The following DCAF6 variants were observed in gnomAD, a reference collection of about 807,000 sequenced individuals.
The protein encoded by DCAF6 is DDB1 and CUL4 associated factor 6.
A neutral mutation model predicts 125.1 loss-of-function variants in DCAF6; 54 were observed. That is an observed-to-expected ratio of 0.43 (90% CI 0.35 to 0.54). The LOEUF is 0.54. Among genes scored for constraint, DCAF6 ranks in the 20% least tolerant of loss-of-function variants. The pLI is 0.01. For missense variants in DCAF6, 934 were observed against 1,161.7 expected, an observed-to-expected ratio of 0.80 and a Z score of 2.85; for synonymous variants, 371 against 390.4, an observed-to-expected ratio of 0.95 and a Z score of 0.58.
At chr1:167,926,184 T>C in the DCAF6 span, among the ~76,000 whole-genome samples, 1 of 152,350 alleles carries the variant, frequency 6.6e-6, no homozygotes, top group African/African-American at 2.4e-5. Flanking sequence ...ACGTTCGAAT[T>C]TTCCGTATTT....
chr1:168,033,875 A>G (rs1687463163), intron 12 of DCAF6, among the ~76,000 whole-genome samples: 1 of 152,252 alleles, frequency 6.6e-6, no homozygotes, highest in African/African-American at 2.4e-5. Context: ...AGTGTTGAAC[A>G]AGTTAAAAGG....
At chr1:167,953,965 G>A (rs1040407067) in intron 2 of DCAF6, among the ~76,000 whole-genome samples, 1 of 152,034 alleles carries the variant, frequency 6.6e-6, no homozygotes, top group African/African-American at 2.4e-5. Flanking sequence ...TGATCTGAGT[G>A]GATACAGGAT....
the DCAF6 span, among the ~76,000 whole-genome samples, chr1:167,921,757 G>A: frequency 6.6e-6 from 1 of 151,970 alleles, no homozygotes; most frequent in East Asian, 1.9e-4. Flanking sequence ...AATTATATAG[G>A]ATGCACTGTA....
intron 10 of DCAF6, among the ~76,000 whole-genome samples, chr1:168,009,598 T>C (rs915197168): frequency 3.3e-5 from 5 of 151,490 alleles, no homozygotes; most frequent in Non-Finnish European, 7.4e-5. Context: ...TCTTTTCTTT[T>C]CTTTCCCTCT....
chr1:167,985,468 C>T (rs1679867956), intron 4 of DCAF6, among the ~76,000 whole-genome samples: 1 of 152,110 alleles, frequency 6.6e-6, no homozygotes, highest in African/African-American at 2.4e-5. Context: ...TTCTTTTTCT[C>T]TCTTTTTCCA....
chr1:168,031,631 G>C (rs1687103397), intron 12 of DCAF6, among the ~76,000 whole-genome samples: 1 of 152,072 alleles, frequency 6.6e-6, no homozygotes, highest in Non-Finnish European at 1.5e-5. Flanking sequence ...GTTTTCACTT[G>C]GAAGTCACAT....
At chr1:167,885,772 G>A in the DCAF6 span, among the ~76,000 whole-genome samples, 6 of 151,996 alleles carry the variant, frequency 3.9e-5, no homozygotes, top group East Asian at 5.8e-4. Flanking sequence ...CCACCACTAC[G>A]CCCAGCTAAT....
At chr1:167,864,538 TAAGAGAGGCAGA>T in the DCAF6 span, among the ~76,000 whole-genome samples, 1 of 150,200 alleles carries the variant, frequency 6.7e-6, no homozygotes, top group Non-Finnish European at 1.5e-5. Flanking sequence ...CCACAGTAGT[TAAGAGAGGCAGA>T]AAGAGAGGAA....
At position 168,022,993 on chromosome 1, in the gene DCAF6, CCTT is replaced by C. The variant is rs760906002; in HGVS notation, c.1561_1563del (p.Ser521del). 2.5e-5 allele frequency: 40 copies of C among 1,614,084 alleles called. No homozygotes were observed. Among genetic ancestry groups the C allele is most frequent in the African/African-American group, 2.0e-4 (15 of 75,030 alleles). On this transcript the variant is annotated inframe_deletion, in exon 12 of 22. Transcript: ENST00000367840. ...AAATCTCATTTTTGTTTCAGATTCT[CCTT>C]CTTCTGTGGTTAACAAACAGCTCGG...
chr1:167,993,536 G>C, intron 7 of DCAF6, 96 bp downstream of exon 7: 1 of 980,622 alleles, frequency 1.0e-6, no homozygotes, highest in East Asian at 2.5e-5. Flanking sequence ...GATCACCTGC[G>C]GTTGGGAGTT....
chr1:167,864,288 C>G, the DCAF6 span, among the ~76,000 whole-genome samples: 1 of 152,092 alleles, frequency 6.6e-6, no homozygotes, highest in East Asian at 1.9e-4. Context: ...CTACTAGAAA[C>G]TATGTTGAAA....
At chr1:167,914,720 T>C in the DCAF6 span, among the ~76,000 whole-genome samples, 686 of 152,364 alleles carry the variant, frequency 4.5e-3, 7 homozygotes, top group East Asian at 0.056. Context: ...AAATCATGTG[T>C]TGATTTTCTA....
In DCAF6 at chr1:168,072,294, T is replaced by TAAAAAAAAAAA. The variant is rs59674650; in HGVS notation, c.2792-3056_2792-3046dup. Among the ~76,000 whole-genome samples, 92 of 41,016 alleles carry TAAAAAAAAAAA rather than the reference T, an allele frequency of 2.2e-3. 1 individual carries two copies. The highest frequency in any genetic ancestry group is 2.9e-3 in the Non-Finnish European group (65 of 22,258). The allele number at this position is 41,016 out of a possible 152,430, so 26.9% of individuals were successfully genotyped here. On this transcript the variant is annotated intron_variant, in intron 21 of 21. Transcript: ENST00000367840. ...CCTGGTGACAGAGGGAGAATCAGTCTAAAAAAAAAAAAAAAAAAAAAAAAA... is the reference window on the plus strand; with the variant it reads ...CCTGGTGACAGAGGGAGAATCAGTCTAAAAAAAAAAAAAAAAAAAAAAAAAAAAAAAAAAAA...
the DCAF6 span, among the ~76,000 whole-genome samples, chr1:167,881,984 G>A: frequency 4.6e-5 from 7 of 152,190 alleles, no homozygotes; most frequent in African/African-American, 1.7e-4. Context: ...CAATATATGT[G>A]TTACTCATCT....
At chr1:167,994,146 T>C (rs1331882847) in intron 7 of DCAF6, among the ~76,000 whole-genome samples, 2 of 152,084 alleles carry the variant, frequency 1.3e-5, no homozygotes, top group Non-Finnish European at 2.9e-5. Flanking sequence ...TAATTTATTA[T>C]TGGTATTCTA....
the DCAF6 span, among the ~76,000 whole-genome samples, chr1:167,885,445 G>C: frequency 7.2e-5 from 11 of 152,118 alleles, no homozygotes; most frequent in African/African-American, 2.2e-4. Flanking sequence ...ATCCTGTCCA[G>C]CGTTTGTTAT....
chr1:167,935,913 G>A, upstream of DCAF6: 2 of 1,198,922 alleles, frequency 1.7e-6, no homozygotes, highest in South Asian at 1.3e-5. Flanking sequence ...CAACGAAGGG[G>A]AGCTAGTCAC....
chr1:167,900,653 C>T, the DCAF6 span, among the ~76,000 whole-genome samples: 917 of 152,248 alleles, frequency 6.0e-3, 11 homozygotes, highest in African/African-American at 0.021. Flanking sequence ...CTGCCTCAGC[C>T]TCCCAAGTAG....
At chr1:167,913,921 C>T in the DCAF6 span, 3 of 152,346 alleles carry the variant, frequency 2.0e-5, no homozygotes, top group Admixed American at 1.3e-4. Context: ...TGACGGTCGC[C>T]CTCATCTTCA....
Sources: gnomAD v4.1 joint callset for allele counts (sites outside exome capture counted in the v4.1 genomes callset) on GRCh38, gnomAD v4.1.1 for gene constraint, MANE v1.5 for transcripts, NCBI Gene and HGNC (gene_info 2026-07-23, HGNC 2026-07-21) for gene names.